The following GRIK2 variants were observed in gnomAD, a reference collection of about 807,000 sequenced individuals.
GRIK2 encodes the protein glutamate ionotropic receptor kainate type subunit 2.
Under a neutral mutation model 100.3 loss-of-function variants are expected in GRIK2, and 32 were observed. That is an observed-to-expected ratio of 0.32 (90% CI 0.24 to 0.43). The LOEUF (loss-of-function observed/expected upper bound fraction) is 0.43. Among genes scored for constraint, GRIK2 ranks in the 20% least tolerant of loss-of-function variants. The pLI is 1.00. For synonymous variants in GRIK2, 417 were observed against 389.4 expected, an observed-to-expected ratio of 1.07 and a Z score of -0.83; for missense variants, 843 against 1,114.9, an observed-to-expected ratio of 0.76 and a Z score of 3.47.
chr6:101,639,788 G>A (rs947404357), intron 4 of GRIK2, among the ~76,000 whole-genome samples: 1 of 152,126 alleles, frequency 6.6e-6, no homozygotes, highest in Non-Finnish European at 1.5e-5. Flanking sequence ...TCAAATTCTA[G>A]ACAGGCTAAT....
chr6:101,674,713 A>G (rs1178881952), intron 4 of GRIK2, among the ~76,000 whole-genome samples: 1 of 152,158 alleles, frequency 6.6e-6, no homozygotes, highest in Admixed American at 6.6e-5. Flanking sequence ...GCATTAGTAA[A>G]TATTTAACTT....
intron 2 of GRIK2, among the ~76,000 whole-genome samples, chr6:101,528,623 T>C (rs192982358): frequency 6.6e-6 from 1 of 152,272 alleles, no homozygotes; most frequent in East Asian, 1.9e-4. Context: ...TTTCAAAGTG[T>C]TACTGGCTCA....
chr6:101,440,233 G>GA (rs749976067), intron 2 of GRIK2, among the ~76,000 whole-genome samples: 4 of 152,146 alleles, frequency 2.6e-5, no homozygotes, highest in Non-Finnish European at 4.4e-5. Context: ...ATTGGACGGA[G>GA]AAAAAATTCA....
intron 7 of GRIK2, among the ~76,000 whole-genome samples, chr6:101,715,600 C>A (rs1361382606): frequency 1.3e-5 from 2 of 151,666 alleles, no homozygotes; most frequent in Non-Finnish European, 2.9e-5. Context: ...ATAATATAGT[C>A]CAAACAACGG....
intron 14 of GRIK2, among the ~76,000 whole-genome samples, chr6:102,012,530 AG>A (rs1464234169): frequency 6.6e-6 from 1 of 152,128 alleles, no homozygotes; most frequent in Non-Finnish European, 1.5e-5. Context: ...CATTCATCAG[AG>A]TATTATACTT....
At chr6:101,984,777 A>C (rs535150156) in intron 14 of GRIK2, among the ~76,000 whole-genome samples, 43 of 151,940 alleles carry the variant, frequency 2.8e-4, no homozygotes, top group African/African-American at 1.0e-3. Flanking sequence ...TTTTTCAGGA[A>C]GATGATCCCT....
chr6:101,511,646 A>G (rs1357046194), intron 2 of GRIK2, among the ~76,000 whole-genome samples: 1 of 152,040 alleles, frequency 6.6e-6, no homozygotes, highest in Non-Finnish European at 1.5e-5. Context: ...CAAATAGAAA[A>G]TGGTAGTTTT....
At chr6:101,721,806 T>G (rs1254689431) in intron 7 of GRIK2, among the ~76,000 whole-genome samples, 1 of 152,022 alleles carries the variant, frequency 6.6e-6, no homozygotes, top group Non-Finnish European at 1.5e-5. Context: ...ACACATATAT[T>G]ATTTAATTCA....
intron 4 of GRIK2, among the ~76,000 whole-genome samples, chr6:101,652,702 G>T (rs192401535): frequency 6.6e-6 from 1 of 152,242 alleles, no homozygotes; most frequent in African/African-American, 2.4e-5. Flanking sequence ...ACTTAATAAT[G>T]CAGTATTGAG....
At chr6:102,054,259 T>A (rs1771353650) in intron 15 of GRIK2, among the ~76,000 whole-genome samples, 1 of 152,154 alleles carries the variant, frequency 6.6e-6, no homozygotes, top group African/African-American at 2.4e-5. Context: ...TTGCCTACTC[T>A]CACTAAAAGA....
intron 2 of GRIK2, among the ~76,000 whole-genome samples, chr6:101,498,192 T>C (rs1773552480): frequency 6.6e-6 from 1 of 150,768 alleles, no homozygotes; most frequent in Non-Finnish European, 1.5e-5. Context: ...ACAAAGGACA[T>C]GAACTCATCA....
At chr6:101,489,496 A>G (rs1247559558) in intron 2 of GRIK2, among the ~76,000 whole-genome samples, 1 of 146,390 alleles carries the variant, frequency 6.8e-6, no homozygotes, top group African/African-American at 2.6e-5. Context: ...GTATTTTGAA[A>G]CACTTCCATA....
At chr6:102,047,499 C>G (rs1286325494) in intron 15 of GRIK2, among the ~76,000 whole-genome samples, 7 of 152,024 alleles carry the variant, frequency 4.6e-5, no homozygotes, top group African/African-American at 1.7e-4. Flanking sequence ...CCTGTAATCT[C>G]AGTACTTTGG....
chr6:101,948,310 C>A (rs1791395724), intron 14 of GRIK2, among the ~76,000 whole-genome samples: 1 of 150,540 alleles, frequency 6.6e-6, no homozygotes, highest in Admixed American at 6.6e-5. Context: ...AATCTTAGAA[C>A]TGTCTTTTTT....
At chr6:101,910,082 CAG>C (rs1377991804) in intron 12 of GRIK2, among the ~76,000 whole-genome samples, 4 of 150,826 alleles carry the variant, frequency 2.7e-5, no homozygotes, top group Non-Finnish European at 5.9e-5. Context: ...GAGTATTAAA[CAG>C]AATCACTTAA....
At chr6:101,761,699 A>G (rs1777681279) in intron 7 of GRIK2, among the ~76,000 whole-genome samples, 2 of 152,196 alleles carry the variant, frequency 1.3e-5, no homozygotes, top group South Asian at 4.1e-4. Context: ...CGATTTTTCA[A>G]GGTTATACTT....
At chr6:101,419,597 G>A (rs1285123029) in intron 2 of GRIK2, among the ~76,000 whole-genome samples, 2 of 152,190 alleles carry the variant, frequency 1.3e-5, no homozygotes, top group Non-Finnish European at 2.9e-5. Flanking sequence ...CATTTTATAT[G>A]CATTTACACA....
chr6:101,574,052 C>T (rs1029218962), intron 2 of GRIK2, among the ~76,000 whole-genome samples: 1 of 151,330 alleles, frequency 6.6e-6, no homozygotes, highest in East Asian at 1.9e-4. Flanking sequence ...TTAATTTATA[C>T]TGAGAATAGA....
At chr6:102,023,531 A>G (rs896789905) in intron 14 of GRIK2, among the ~76,000 whole-genome samples, 8 of 151,498 alleles carry the variant, frequency 5.3e-5, no homozygotes, top group African/African-American at 1.9e-4. Flanking sequence ...TGTTTCCATA[A>G]ATGGTTTTAT....
Sources: allele counts gnomAD v4.1 joint callset (sites outside exome capture counted in the v4.1 genomes callset), GRCh38; gene constraint gnomAD v4.1.1; transcripts MANE v1.5; gene names NCBI Gene and HGNC (gene_info 2026-07-23, HGNC 2026-07-21).